Variants in SH2B3 observed in about 807,000 individuals in gnomAD.
The protein encoded by SH2B3 is SH2B adaptor protein 3.
Under a neutral mutation model 51.9 loss-of-function variants are expected in SH2B3, and 43 were observed. The observed-to-expected ratio is 0.83, with a 90% CI of 0.65 to 1.07. SH2B3 has a LOEUF of 1.07. SH2B3 is among the 50% of genes least tolerant of loss of function. The pLI is 0.00. For synonymous variants in SH2B3, 396 were observed against 376.0 expected, an observed-to-expected ratio of 1.05 and a Z score of -0.62; for missense variants, 952 against 834.3, an observed-to-expected ratio of 1.14 and a Z score of -1.74.
chr12:111,420,014 T>G (rs1299634249), intron 2 of SH2B3, among the ~76,000 whole-genome samples: 1 of 152,148 alleles, frequency 6.6e-6, no homozygotes, highest in Non-Finnish European at 1.5e-5. Flanking sequence ...CCTTCACATT[T>G]GGGTGTCATG....
intron 1 of SH2B3, among the ~76,000 whole-genome samples, chr12:111,416,782 C>T (rs1279102571): frequency 6.6e-6 from 1 of 152,218 alleles, no homozygotes; most frequent in African/African-American, 2.4e-5. Context: ...GCATGAGCCA[C>T]CGCGCGTGGC....
At chr12:111,443,690 G>T (rs1251481038) in intron 2 of SH2B3, 1 of 152,238 alleles carries the variant, frequency 6.6e-6, no homozygotes, top group African/African-American at 2.4e-5. Context: ...ACTCAGAGGG[G>T]ACTGTCATGC....
At chr12:111,426,062 G>A (rs921399785) in intron 2 of SH2B3, among the ~76,000 whole-genome samples, 6 of 152,214 alleles carry the variant, frequency 3.9e-5, no homozygotes, top group East Asian at 3.8e-4. Context: ...GGATAGCTGC[G>A]TAAAAATGGG....
At chr12:111,439,115 G>A (rs1190082212) in intron 2 of SH2B3, among the ~76,000 whole-genome samples, 1 of 152,134 alleles carries the variant, frequency 6.6e-6, no homozygotes, top group Non-Finnish European at 1.5e-5. Flanking sequence ...TGGGACTACA[G>A]GTACCTGCCA....
chr12:111,446,894 T>TA, intron 3 of SH2B3, 40 bp downstream of exon 3: 1 of 1,602,104 alleles, frequency 6.2e-7, no homozygotes, highest in Non-Finnish European at 8.6e-7. Context: ...GCAATACAAA[T>TA]ACATACACAT....
chr12:111,407,758 G>C lies in SH2B3; in HGVS notation c.-28+1481G>C, dbSNP rs1870364357. ...TGTGGGCCACAGAGCGGCCAGCTGG[G>C]AAGGGGCTGGCTCAGAGCATCAGCA... is the stretch of plus-strand genomic sequence containing the variant. On this transcript the variant is annotated intron_variant, in intron 1 of 7. Transcript: ENST00000341259. The surrounding 1 kb of genome is among the most constrained non-coding windows in gnomAD (Gnocchi z 4.3). Among the ~76,000 whole-genome samples, 1 of 152,088 alleles carries C rather than the reference G, an allele frequency of 6.6e-6. No individual in the cohort carries two copies. The highest frequency in any genetic ancestry group is 2.4e-5 in the African/African-American group (1 of 41,418).
chr12:111,451,511 A>G lies in SH2B3; in HGVS notation c.*3209A>G, dbSNP rs1398225665. On this transcript the variant is annotated 3_prime_UTR_variant, in exon 8 of 8. Transcript: ENST00000341259. ...CATTATAGGCAGAAGGTATTTGGCA[A>G]ATTTTTATGTATTGTTTTATGTACT... 1 of 152,666 alleles carries G rather than the reference A, an allele frequency of 6.6e-6. No homozygotes were observed. Among genetic ancestry groups the G allele is most frequent in the Non-Finnish European group, 1.5e-5 (1 of 68,042 alleles). The allele number at this position is 152,666 out of a possible 1,614,324, so 9.5% of individuals were successfully genotyped here.
intron 2 of SH2B3, among the ~76,000 whole-genome samples, chr12:111,430,609 A>AG (rs1197697872): frequency 6.6e-6 from 1 of 152,026 alleles, no homozygotes; most frequent in East Asian, 1.9e-4. Flanking sequence ...CCAGGGGCGA[A>AG]GGGTGGACGC....
At chr12:111,428,453 G>C (rs1409658959) in intron 2 of SH2B3, among the ~76,000 whole-genome samples, 1 of 152,188 alleles carries the variant, frequency 6.6e-6, no homozygotes. Flanking sequence ...TGTGTGACTT[G>C]GCCTTGCTGG....
Position 111,446,803 on chromosome 12 carries a change from G to A in SH2B3, c.783G>A (p.Arg261=). The change falls in exon 3 of 8, where the codon CGG becomes CGA. Residue 261 remains arginine (R), a synonymous_variant. Coordinates refer to ENST00000341259, the MANE Select transcript of SH2B3 (RefSeq NM_005475.3). ...QAACSSIQEV[R]WCTRLEMPDN... ...CTTGCTCCAGCATCCAGGAGGTCCG[G>A]TGGTGCACACGGCTTGAGATGCCTG... 6.4e-7 allele frequency: 1 copy of A among 1,573,192 alleles called. No homozygotes were observed. Among genetic ancestry groups the A allele is most frequent in the Non-Finnish European group, 8.6e-7 (1 of 1,156,760 alleles).
rs1258425665 is a variant in SH2B3, at chr12:111,446,832, A to G, written c.812A>G (p.Asn271Ser). 13 of 1,591,492 alleles carry G rather than the reference A, an allele frequency of 8.2e-6. No homozygotes were observed. In the East Asian group the frequency reaches 2.9e-4, roughly 36 times the overall value. ...RWCTRLEMPD[N>S]LYTFVLKVKD... ...TGCACACGGCTTGAGATGCCTGACA[A>G]CCTTTACACCTTTGTGCTGAAGGTG... The change falls in exon 3 of 8, where the codon AAC (asparagine) becomes AGC (serine). Residue 271 changes from asparagine (N) to serine (S), a missense_variant. By Grantham distance (46) the Asn-to-Ser change is conservative. Coordinates refer to ENST00000341259, the MANE Select transcript of SH2B3 (RefSeq NM_005475.3).
chr12:111,405,865 GC>G (rs1442141643), upstream of SH2B3: 1 of 151,780 alleles, frequency 6.6e-6, no homozygotes, highest in Non-Finnish European at 1.5e-5. The surrounding 1 kb of genome is among the most constrained non-coding windows in gnomAD (Gnocchi z 5.4). Context: ...CCCCTGCCCC[GC>G]CCCTGTCGCG....
At position 111,418,352 on chromosome 12, in the gene SH2B3, C is replaced by CCT; in HGVS notation, c.210_211dup (p.Phe71SerfsTer127). 6.6e-7 allele frequency: 1 copy of CCT among 1,522,982 alleles called. No individual in the cohort carries two copies. Among genetic ancestry groups the CCT allele is most frequent in the Non-Finnish European group, 8.8e-7 (1 of 1,140,908 alleles). The allele number at this position is 1,522,982 out of a possible 1,614,324, so 94.3% of individuals were successfully genotyped here. ...AGCTGGTGTCGCTGCAGTTCACCGA[C>CCT]CTCTTCCAGCGCTACTTCTGCCGCG... On this transcript the variant is annotated frameshift_variant, in exon 2 of 8. Coordinates refer to ENST00000341259, the MANE Select transcript of SH2B3 (RefSeq NM_005475.3). LOFTEE classifies it high-confidence loss of function. This position sits in a 1 kb window ranked among gnomAD's most constrained non-coding sequence, Gnocchi z 6.7.
chr12:111,435,119 C>T lies in SH2B3; in HGVS notation c.733-11634C>T, dbSNP rs781014712. ...GTGCACTCTCCCCACCCGAGACGGG[C>T]GACAGAGGTTTTTTGTTGTTTCTTA... On this transcript the variant is annotated intron_variant, in intron 2 of 7. Coordinates refer to ENST00000341259, the MANE Select transcript of SH2B3 (RefSeq NM_005475.3). The surrounding 1 kb of genome is among the most constrained non-coding windows in gnomAD (Gnocchi z 4.8). 10 of 1,034,412 alleles carry T rather than the reference C, an allele frequency of 9.7e-6. No homozygotes were observed. Among genetic ancestry groups the T allele is most frequent in the African/African-American group, 3.2e-5 (2 of 62,064 alleles). The allele number at this position is 1,034,412 out of a possible 1,614,324, so 64.1% of individuals were successfully genotyped here.
At chr12:111,420,583 C>G (rs1871464779) in intron 2 of SH2B3, among the ~76,000 whole-genome samples, 1 of 151,992 alleles carries the variant, frequency 6.6e-6, no homozygotes, top group South Asian at 2.1e-4. Flanking sequence ...TGAGCAAAAC[C>G]GATGTGATAC....
At chr12:111,422,122 C>T (rs1667539313) in intron 2 of SH2B3, among the ~76,000 whole-genome samples, 1 of 152,210 alleles carries the variant, frequency 6.6e-6, no homozygotes, top group Non-Finnish European at 1.5e-5. Context: ...CTCTGTTGCC[C>T]AGGCTGGAGT....
Position 111,450,768 on chromosome 12 carries a change from GGAA to G in SH2B3, c.*2471_*2473del, listed in dbSNP as rs1593084520. On this transcript the variant is annotated 3_prime_UTR_variant, in exon 8 of 8. Transcript: ENST00000341259. ...CTGACAGAAAACTCCCATGGCTCTA[GGAA>G]GAAGTGACACTAAGCCAACACCTTT... 1.3e-5 allele frequency: 2 copies of G among 152,582 alleles called. No individual in the cohort carries two copies. The allele number at this position is 152,582 out of a possible 1,614,324, so 9.5% of individuals were successfully genotyped here.
intron 2 of SH2B3, among the ~76,000 whole-genome samples, chr12:111,431,678 C>A (rs1460304281): frequency 6.6e-6 from 1 of 152,122 alleles, no homozygotes; most frequent in Non-Finnish European, 1.5e-5. Context: ...ACCTCCTGGG[C>A]TCAAGGTGAT....
intron 2 of SH2B3, among the ~76,000 whole-genome samples, chr12:111,446,417 A>G (rs1262664294): frequency 2.0e-5 from 3 of 152,226 alleles, no homozygotes; most frequent in East Asian, 3.8e-4. Flanking sequence ...AGCAGCTGCT[A>G]TCACCTGGCT....
Sources: allele counts gnomAD v4.1 joint callset (sites outside exome capture counted in the v4.1 genomes callset), GRCh38; gene constraint gnomAD v4.1.1; non-coding constraint Gnocchi (gnomAD v3.1); transcripts MANE v1.5; gene names NCBI Gene and HGNC (gene_info 2026-07-23, HGNC 2026-07-21).